The following ROCK1 variants were observed in gnomAD, a reference collection of about 807,000 sequenced individuals.
ROCK1 encodes rho-associated protein kinase 1.
Under a neutral mutation model 196.8 loss-of-function variants are expected in ROCK1, and 36 were observed. The ratio of observed to expected loss-of-function variants is 0.18; its 90% CI spans 0.14 to 0.24. ROCK1 has a LOEUF of 0.24. Among genes scored for constraint, ROCK1 ranks in the 10% least tolerant of loss-of-function variants. ROCK1 has a pLI of 1.00. For missense variants in ROCK1, 920 were observed against 1,562.0 expected (o/e 0.59, Z 6.93); for synonymous variants, 443 against 515.9 (o/e 0.86, Z 1.91).
chr18:21,026,552 G>A (rs2035958736), intron 10 of ROCK1, among the ~76,000 whole-genome samples: 1 of 151,570 alleles, frequency 6.6e-6, no homozygotes, highest in African/African-American at 2.4e-5. Context: ...TACTCACAGA[G>A]TGTTAGGGAG....
rs548403500 is a variant in ROCK1 at position 21,108,104 on chromosome 18, G to A, written c.93+2714C>T. 5.9e-5 allele frequency among the ~76,000 whole-genome samples: 9 copies of A among 152,150 alleles called. No individual in the cohort carries two copies. In the East Asian group the frequency reaches 1.7e-3, roughly 29 times the overall value. On this transcript the variant is annotated intron_variant, in intron 1 of 32. Transcript: ENST00000399799. ...TCTTTACCAAGTTCAGATTGACGGGGTAATAAAATTTCAGTAACAGCTATC... is the reference window on the plus strand; with the variant it reads ...TCTTTACCAAGTTCAGATTGACGGGATAATAAAATTTCAGTAACAGCTATC...
intron 4 of ROCK1, 128 bp from the exon 5 acceptor site, chr18:21,045,595 T>A: frequency 1.4e-6 from 1 of 736,716 alleles, no homozygotes; most frequent in Non-Finnish European, 2.1e-6. Context: ...GTTGCAAGTC[T>A]AGTTTTAAAA....
At position 20,947,565 on chromosome 18, in the gene ROCK1, G is replaced by A. The variant is rs890015820; in HGVS notation, c.*3819C>T. 10 of 152,088 alleles carry A rather than the reference G, an allele frequency of 6.6e-5. No homozygotes were observed. Among genetic ancestry groups the A allele is most frequent in the South Asian group, 2.1e-4 (1 of 4,812 alleles). The allele number at this position is 152,088 out of a possible 1,614,324, so 9.4% of individuals were successfully genotyped here. ...GATTTCCAAGTGTCAGGCCAGGCAC[G>A]GTGGCCTACACCTGTAATGAGAGAG... On this transcript the variant is annotated 3_prime_UTR_variant, in exon 33 of 33. Coordinates refer to ENST00000399799, the MANE Select transcript of ROCK1 (RefSeq NM_005406.3).
intron 1 of ROCK1, among the ~76,000 whole-genome samples, chr18:21,100,671 G>A (rs1451792269): frequency 6.6e-6 from 1 of 152,120 alleles, no homozygotes; most frequent in Admixed American, 6.5e-5. Flanking sequence ...CATATCAACA[G>A]GCTCTTTTGC....
chr18:21,087,967 T>C (rs1344657765), intron 1 of ROCK1, among the ~76,000 whole-genome samples: 2 of 152,228 alleles, frequency 1.3e-5, no homozygotes, highest in African/African-American at 4.8e-5. Context: ...CAGAATGTGT[T>C]CTTTGACCAA....
At chr18:20,967,133 C>A in intron 26 of ROCK1, 57 bp from the exon 27 acceptor site, 1 of 1,179,850 alleles carries the variant, frequency 8.5e-7, no homozygotes, top group Non-Finnish European at 1.2e-6. Context: ...TCCAACATTA[C>A]TAATTGAAAT....
At chr18:20,955,901 G>A (rs1417091151) in intron 29 of ROCK1, among the ~76,000 whole-genome samples, 1 of 151,494 alleles carries the variant, frequency 6.6e-6, no homozygotes, top group Non-Finnish European at 1.5e-5. Context: ...TTATGGAGAT[G>A]GAGAACAGAT....
Position 21,039,525 on chromosome 18 carries a change from T to C in ROCK1, c.998A>G (p.Lys333Arg), listed in dbSNP as rs760935374. ...RLGRNGVEEI[K>R]RHLFFKNDQW... ...GTCATTTTTGAAGAAGAGATGTCGT[T>C]TGATTTCTTCTACACCATTTCGCCC... Residue 333 changes from lysine (K) to arginine (R), a missense_variant, in exon 9 of 33, where the codon AAA becomes AGA. Around this residue, in one of 6 missense-constraint regions of ROCK1, gnomAD observed 234 missense variants for 460.7 expected, o/e 0.51. Transcript: ENST00000399799. 1.2e-6 allele frequency: 2 copies of C among 1,613,992 alleles called. No individual in the cohort carries two copies. The highest frequency in any genetic ancestry group is 1.7e-5 in the Admixed American group (1 of 60,024).
At chr18:21,005,357 T>C (rs1448616329) in intron 16 of ROCK1, among the ~76,000 whole-genome samples, 2 of 152,216 alleles carry the variant, frequency 1.3e-5, no homozygotes, top group Admixed American at 6.5e-5. Context: ...TTTCTATTAC[T>C]ACCAACGATG....
rs199859057 is a variant in ROCK1, at chr18:21,102,700, C to CA, written c.93+8117dup. Among the ~76,000 whole-genome samples, 791 of 151,348 alleles carry CA rather than the reference C, an allele frequency of 5.2e-3. 5 individuals carry two copies. Among genetic ancestry groups the CA allele is most frequent in the Non-Finnish European group, 8.9e-3 (602 of 67,724 alleles). Reference sequence around the variant, plus strand: ...CAACATGGCAAAACCCCATCTCTACCAAAAAAAATACAAAAATTAGCCAGG... The same window carrying CA: ...CAACATGGCAAAACCCCATCTCTACCAAAAAAAAATACAAAAATTAGCCAGG... On this transcript the variant is annotated intron_variant, in intron 1 of 32. Coordinates refer to ENST00000399799, the MANE Select transcript of ROCK1 (RefSeq NM_005406.3).
At chr18:20,984,299 C>A in intron 20 of ROCK1, 52 bp downstream of exon 20, 1 of 1,340,902 alleles carries the variant, frequency 7.5e-7, no homozygotes, top group South Asian at 1.2e-5. Flanking sequence ...ACACACAAGT[C>A]AATGATGAAC....
intron 1 of ROCK1, among the ~76,000 whole-genome samples, chr18:21,099,614 A>C (rs2036641221): frequency 6.6e-6 from 1 of 152,138 alleles, no homozygotes; most frequent in Non-Finnish European, 1.5e-5. Context: ...GCATGGTAAC[A>C]CGTGCCTATA....
At chr18:20,993,014 TA>T in intron 16 of ROCK1, 77 bp from the exon 17 acceptor site, 1 of 849,712 alleles carries the variant, frequency 1.2e-6, no homozygotes, top group South Asian at 1.7e-5. Context: ...ATTTAGTTTT[TA>T]AAAAATGTTT....
chr18:21,062,194 G>GA (rs1187441543), intron 2 of ROCK1, among the ~76,000 whole-genome samples: 3 of 152,138 alleles, frequency 2.0e-5, no homozygotes, highest in African/African-American at 7.2e-5. Context: ...GAGCTCCTTG[G>GA]AAAAAATGGC....
intron 1 of ROCK1, among the ~76,000 whole-genome samples, chr18:21,073,118 T>TATG (rs893436847): frequency 1.5e-5 from 1 of 66,060 alleles, no homozygotes; most frequent in African/African-American, 5.0e-5. Context: ...GAGGAGAAAA[T>TATG]ATGTAACAGA....
At chr18:21,047,686 C>G in intron 4 of ROCK1, among the ~76,000 whole-genome samples, 1 of 151,698 alleles carries the variant, frequency 6.6e-6, no homozygotes, top group South Asian at 2.1e-4. Flanking sequence ...CCCAGCTACT[C>G]GGGAGGCTGA....
chr18:21,012,458 G>A (rs1306352765), intron 13 of ROCK1, among the ~76,000 whole-genome samples: 1 of 152,090 alleles, frequency 6.6e-6, no homozygotes, highest in Non-Finnish European at 1.5e-5. Flanking sequence ...ACCTGAAAAA[G>A]TCATGCCACT....
Position 20,967,004 on chromosome 18 carries a change from G to C in ROCK1, c.3265C>G (p.Gln1089Glu). Residue 1089 changes from glutamine (Q) to glutamate (E), a missense_variant, in exon 27 of 33, where the codon CAA (glutamine) becomes GAA (glutamate). Gln to Glu is a conservative substitution (Grantham distance 29). Transcript: ENST00000399799. ...AGGTCCAAAAGTTTAGCACGCAATT[G>C]CTCAATATCACTCTCTTTGCTGGCC... ...QLASKESDIEQLRAKLLDLSD... is the reference protein window; with the variant it reads ...QLASKESDIEELRAKLLDLSD... 1 of 1,612,806 alleles carries C rather than the reference G, an allele frequency of 6.2e-7. No individual in the cohort carries two copies. The highest frequency in any genetic ancestry group is 8.5e-7 in the Non-Finnish European group (1 of 1,178,862).
At chr18:21,028,224 T>G (rs1270819284) in intron 10 of ROCK1, among the ~76,000 whole-genome samples, 7 of 150,624 alleles carry the variant, frequency 4.6e-5, no homozygotes, top group African/African-American at 1.7e-4. Context: ...AAGACCAGCC[T>G]GGCCAACATG....
Sources: allele counts gnomAD v4.1 joint callset (sites outside exome capture counted in the v4.1 genomes callset), GRCh38; gene constraint gnomAD v4.1.1; regional missense constraint gnomAD v4.1.1; transcripts MANE v1.5; gene names NCBI Gene and HGNC (gene_info 2026-07-23, HGNC 2026-07-21).